Variants in MTDH observed in about 807,000 individuals in gnomAD.
MTDH encodes the protein metadherin.
In MTDH, 34 loss-of-function variants were observed where a neutral mutation model predicts 72.7. The observed-to-expected ratio is 0.47, with a 90% CI of 0.36 to 0.62. MTDH has a LOEUF of 0.62. Among genes scored for constraint, MTDH ranks in the 20% least tolerant of loss-of-function variants. MTDH has a pLI of 0.00. For missense variants in MTDH, 677 were observed against 699.4 expected (o/e 0.97, Z 0.36); for synonymous variants, 266 against 268.9 (o/e 0.99, Z 0.10).
intron 2 of MTDH, among the ~76,000 whole-genome samples, chr8:97,679,790 G>A (rs189043362): frequency 3.3e-5 from 5 of 152,198 alleles, no homozygotes; most frequent in South Asian, 2.1e-4. Flanking sequence ...TATTTAACCC[G>A]CTGTTACAAG....
intron 6 of MTDH, among the ~76,000 whole-genome samples, chr8:97,698,677 T>G (rs976719398): frequency 2.6e-5 from 4 of 152,254 alleles, no homozygotes; most frequent in Admixed American, 2.6e-4. Flanking sequence ...ATTTCTCTAA[T>G]GTTTCTTAGC....
chr8:97,688,084 A>G (rs567390614), intron 4 of MTDH, among the ~76,000 whole-genome samples: 1 of 152,308 alleles, frequency 6.6e-6, no homozygotes, highest in South Asian at 2.1e-4. Flanking sequence ...ATAGAGCTAG[A>G]CCAGAACTTC....
intron 7 of MTDH, chr8:97,706,401 T>C: frequency 7.2e-6 from 2 of 278,406 alleles, no homozygotes; most frequent in Admixed American, 5.3e-5. Context: ...TAATAAATTT[T>C]CTGGAATTTC....
At chr8:97,719,008 T>G in intron 9 of MTDH, 41 bp from the exon 10 acceptor site, 1 of 1,528,770 alleles carries the variant, frequency 6.5e-7, no homozygotes, top group Non-Finnish European at 8.9e-7. Flanking sequence ...TAATGAAGAA[T>G]GAATGCTTTA....
intron 2 of MTDH, among the ~76,000 whole-genome samples, chr8:97,669,251 G>A (rs911370255): frequency 6.6e-6 from 1 of 151,950 alleles, no homozygotes; most frequent in Non-Finnish European, 1.5e-5. Flanking sequence ...CTGGGTTCAA[G>A]CAATTCTCCT....
chr8:97,670,813 A>G (rs907587286), intron 2 of MTDH, among the ~76,000 whole-genome samples: 9 of 148,612 alleles, frequency 6.1e-5, no homozygotes, highest in Non-Finnish European at 1.2e-4. Flanking sequence ...CTGGAGTGCA[A>G]TGGTGCAATC....
chr8:97,680,928 T>C (rs2130983030), intron 2 of MTDH, among the ~76,000 whole-genome samples: 1 of 152,328 alleles, frequency 6.6e-6, no homozygotes, highest in African/African-American at 2.4e-5. Context: ...AGAAGCTTAT[T>C]ATTAGAAAAC....
rs551653277 is a variant in MTDH, at chr8:97,673,356, AC to A, written c.483+12184del. On this transcript the variant is annotated intron_variant, in intron 2 of 11. Coordinates refer to ENST00000336273, the MANE Select transcript of MTDH (RefSeq NM_178812.4). The stretch of plus-strand genomic sequence containing the variant: ...GGCAACATAGTGAGACCCCACCTGT[AC>A]AAAAAAATTTTTAAATTTAGGCCAG... Among the ~76,000 whole-genome samples, 356 of 152,004 alleles carry A rather than the reference AC, an allele frequency of 2.3e-3. 15 individuals are homozygous for A. The South Asian group carries it at 0.073, about 31-fold the overall frequency.
chr8:97,723,126 C>T (rs1815198696), intron 11 of MTDH, 91 bp downstream of exon 11: 1 of 1,348,192 alleles, frequency 7.4e-7, no homozygotes, highest in Non-Finnish European at 1.0e-6. Context: ...AGGCCAGGCG[C>T]AGTGGCTCAC....
chr8:97,691,239 C>A, intron 6 of MTDH, 51 bp downstream of exon 6: 1 of 1,290,770 alleles, frequency 7.7e-7, no homozygotes, highest in Non-Finnish European at 1.1e-6. Flanking sequence ...TAATCTTGTA[C>A]ATTTTTAATT....
At chr8:97,721,343 T>G (rs960133287) in intron 10 of MTDH, among the ~76,000 whole-genome samples, 3 of 152,002 alleles carry the variant, frequency 2.0e-5, no homozygotes, top group African/African-American at 7.2e-5. Flanking sequence ...CTTGGGGGAC[T>G]GAGGTGGGAG....
intron 7 of MTDH, among the ~76,000 whole-genome samples, chr8:97,700,517 T>C (rs1396587302): frequency 6.6e-6 from 1 of 152,166 alleles, no homozygotes; most frequent in Non-Finnish European, 1.5e-5. Flanking sequence ...TTAAGAACTC[T>C]CTGAAAATGG....
chr8:97,680,318 C>T (rs1013482302), intron 2 of MTDH, among the ~76,000 whole-genome samples: 16 of 152,308 alleles, frequency 1.1e-4, no homozygotes, highest in African/African-American at 3.6e-4. Context: ...TCGGTCGGCC[C>T]ACCTCAGCCC....
chr8:97,708,609 TTTTTTTTTTTG>T (rs1814477593), intron 8 of MTDH, among the ~76,000 whole-genome samples: 4 of 57,056 alleles, frequency 7.0e-5, no homozygotes, highest in Non-Finnish European at 9.1e-5. Flanking sequence ...TTTTTTTTTT[TTTTTTTTTTTG>T]AGATGGAGTT....
intron 2 of MTDH, among the ~76,000 whole-genome samples, chr8:97,665,853 G>A (rs572800571): frequency 3.9e-5 from 6 of 152,268 alleles, no homozygotes; most frequent in South Asian, 2.1e-4. Context: ...CTGGCCGGGC[G>A]CGGTGGCTCA....
intron 2 of MTDH, among the ~76,000 whole-genome samples, chr8:97,672,101 G>T (rs987324849): frequency 6.6e-6 from 1 of 152,144 alleles, no homozygotes; most frequent in African/African-American, 2.4e-5. Context: ...AGAAACTATA[G>T]TTTAAAACCA....
At chr8:97,683,780 A>C (rs1021274974) in intron 2 of MTDH, among the ~76,000 whole-genome samples, 1 of 152,174 alleles carries the variant, frequency 6.6e-6, no homozygotes, top group Non-Finnish European at 1.5e-5. Flanking sequence ...TGTCCAGTAT[A>C]GTGGCCACTT....
intron 11 of MTDH, among the ~76,000 whole-genome samples, chr8:97,723,408 A>G (rs1815216799): frequency 6.9e-6 from 1 of 144,374 alleles, no homozygotes; most frequent in Non-Finnish European, 1.5e-5. Flanking sequence ...AAAAAAAAAA[A>G]CGTCTAATGG....
intron 1 of MTDH, among the ~76,000 whole-genome samples, chr8:97,645,725 T>C (rs553470054): frequency 5.9e-4 from 90 of 152,358 alleles, no homozygotes; most frequent in African/African-American, 2.1e-3. Context: ...TAGGCCTTCA[T>C]GTTTTACGTT....
Sources: allele counts gnomAD v4.1 joint callset (sites outside exome capture counted in the v4.1 genomes callset), GRCh38; gene constraint gnomAD v4.1.1; transcripts MANE v1.5; gene names NCBI Gene and HGNC (gene_info 2026-07-23, HGNC 2026-07-21).